The following WDR70 variants were observed in gnomAD, a reference collection of about 807,000 sequenced individuals.
WDR70 encodes WD repeat-containing protein 70.
A neutral mutation model predicts 88.6 loss-of-function variants in WDR70; 53 were observed. The observed-to-expected ratio is 0.60, with a 90% CI of 0.48 to 0.75. The LOEUF (loss-of-function observed/expected upper bound fraction) is 0.75. Among genes scored for constraint, WDR70 ranks in the 30% least tolerant of loss-of-function variants. WDR70 has a pLI of 0.00. For synonymous variants in WDR70, 280 were observed against 270.0 expected (o/e 1.04, Z -0.36); for missense variants, 610 against 823.2 (o/e 0.74, Z 3.17).
At chr5:37,693,596 G>C (rs539449504) in intron 10 of WDR70, among the ~76,000 whole-genome samples, 25 of 152,294 alleles carry the variant, frequency 1.6e-4, no homozygotes, top group African/African-American at 5.8e-4. Context: ...ACAAAAACAA[G>C]AAATGGGGAA....
At chr5:37,438,830 A>G (rs533251524) in intron 6 of WDR70, among the ~76,000 whole-genome samples, 1 of 152,006 alleles carries the variant, frequency 6.6e-6, no homozygotes, top group East Asian at 1.9e-4. Flanking sequence ...AGATGTAAAA[A>G]TCTCTTAGTT....
chr5:37,381,459 CCTT>C (rs1748421689), intron 2 of WDR70, 140 bp from the exon 3 acceptor site: 4 of 658,384 alleles, frequency 6.1e-6, no homozygotes, highest in South Asian at 3.2e-5. Context: ...GACTCAAACT[CCTT>C]CTTCTGTGAT....
chr5:37,747,838 C>T (rs548883713), intron 17 of WDR70, among the ~76,000 whole-genome samples: 1 of 152,260 alleles, frequency 6.6e-6, no homozygotes, highest in Admixed American at 6.5e-5. Flanking sequence ...TTCCTTTACA[C>T]CAACAGTAGA....
intron 7 of WDR70, among the ~76,000 whole-genome samples, chr5:37,469,131 A>C (rs1581310147): frequency 6.6e-6 from 1 of 152,190 alleles, no homozygotes; most frequent in Non-Finnish European, 1.5e-5. Flanking sequence ...CTCCATTCTT[A>C]GAAACCTTGG....
chr5:37,552,453 G>T (rs778789176), intron 9 of WDR70, among the ~76,000 whole-genome samples: 42 of 152,160 alleles, frequency 2.8e-4, no homozygotes, highest in Admixed American at 2.7e-3. Context: ...ATGTTAAGAA[G>T]AATTTTTAAA....
At chr5:37,661,501 G>A (rs1745698792) in intron 10 of WDR70, among the ~76,000 whole-genome samples, 1 of 152,242 alleles carries the variant, frequency 6.6e-6, no homozygotes, top group South Asian at 2.1e-4. Context: ...CAGAGGAATT[G>A]CAATGGAGAA....
At chr5:37,724,816 C>T (rs1747924355) in intron 15 of WDR70, 118 bp from the exon 16 acceptor site, 3 of 975,322 alleles carry the variant, frequency 3.1e-6, no homozygotes, top group Non-Finnish European at 4.7e-6. Flanking sequence ...CTTTTATTAT[C>T]AGATCAAGAC....
chr5:37,676,640 A>T (rs1445981085), intron 10 of WDR70, among the ~76,000 whole-genome samples: 1 of 151,908 alleles, frequency 6.6e-6, no homozygotes, highest in South Asian at 2.1e-4. Flanking sequence ...GTTTGCCAGT[A>T]TTTTATTGAG....
chr5:37,647,653 T>A (rs1309541127), intron 10 of WDR70, among the ~76,000 whole-genome samples: 4 of 152,208 alleles, frequency 2.6e-5, no homozygotes, highest in Non-Finnish European at 5.9e-5. Flanking sequence ...ACCTTGGTGA[T>A]CTTGGATAAG....
intron 10 of WDR70, among the ~76,000 whole-genome samples, chr5:37,659,558 G>C (rs1170706731): frequency 6.6e-6 from 1 of 152,062 alleles, no homozygotes; most frequent in Non-Finnish European, 1.5e-5. Flanking sequence ...TCTAAACACT[G>C]CTTTGTGTCT....
intron 13 of WDR70, among the ~76,000 whole-genome samples, chr5:37,707,720 G>A (rs1747368702): frequency 6.6e-6 from 1 of 151,186 alleles, no homozygotes; most frequent in African/African-American, 2.4e-5. Flanking sequence ...TTCAAGACCA[G>A]CCTGTCCAAC....
chr5:37,591,723 T>G (rs537807903), intron 9 of WDR70, among the ~76,000 whole-genome samples: 1 of 152,280 alleles, frequency 6.6e-6, no homozygotes, highest in East Asian at 1.9e-4. Flanking sequence ...CAAAGTCACT[T>G]CAGAAAAAGG....
intron 9 of WDR70, among the ~76,000 whole-genome samples, chr5:37,576,764 C>CT (rs34306141): frequency 2.0e-3 from 294 of 147,230 alleles, no homozygotes; most frequent in African/African-American, 5.9e-3. Context: ...ATTTGGTAGT[C>CT]TTTTTTTTTT....
At chr5:37,726,740 C>A in intron 16 of WDR70, 143 bp from the exon 17 acceptor site, 1 of 828,312 alleles carries the variant, frequency 1.2e-6, no homozygotes, top group Non-Finnish European at 1.7e-6. Context: ...CTCTTTGGTT[C>A]TGATTGTCAT....
intron 8 of WDR70, chr5:37,505,914 A>G: frequency 6.5e-6 from 9 of 1,377,140 alleles, no homozygotes; most frequent in Non-Finnish European, 9.3e-6. Context: ...ACTTCCTTCC[A>G]TATCCACACC....
intron 17 of WDR70, among the ~76,000 whole-genome samples, chr5:37,750,811 A>T (rs1367744747): frequency 6.6e-6 from 1 of 152,218 alleles, no homozygotes; most frequent in African/African-American, 2.4e-5. Flanking sequence ...TGAGTCCATT[A>T]GACCTCTTTT....
intron 9 of WDR70, among the ~76,000 whole-genome samples, chr5:37,555,672 C>CTGT (rs1742273697): frequency 6.6e-6 from 1 of 151,982 alleles, no homozygotes; most frequent in South Asian, 2.1e-4. Flanking sequence ...CCTTTCCCTG[C>CTGT]TGTGATATAG....
chr5:37,438,078 A>T (rs1258449935), intron 6 of WDR70, 97 bp downstream of exon 6: 1 of 1,000,648 alleles, frequency 1.0e-6, no homozygotes, highest in Non-Finnish European at 1.4e-6. Context: ...CTAATTATAC[A>T]ATCAACTGAT....
chr5:37,528,328 A>G (rs867241769), intron 9 of WDR70, among the ~76,000 whole-genome samples: 11 of 152,212 alleles, frequency 7.2e-5, no homozygotes, highest in South Asian at 4.1e-4. Flanking sequence ...TGTCCGTTGT[A>G]TGGACATGGA....
Sources: allele counts gnomAD v4.1 joint callset (sites outside exome capture counted in the v4.1 genomes callset), GRCh38; gene constraint gnomAD v4.1.1; transcripts MANE v1.5; gene names NCBI Gene and HGNC (gene_info 2026-07-23, HGNC 2026-07-21).